Variants in THSD7B observed in about 807,000 individuals in gnomAD.
THSD7B encodes thrombospondin type 1 domain containing 7B.
THSD7B carries 138 observed loss-of-function variants against 213.6 expected under a neutral mutation model. The observed-to-expected ratio is 0.65, with a 90% CI of 0.56 to 0.74. The LOEUF (loss-of-function observed/expected upper bound fraction) is 0.74, where lower values mean the gene tolerates loss of function less well. THSD7B is among the 30% of genes least tolerant of loss of function. The pLI is 0.00. For missense variants in THSD7B, 1,931 were observed against 1,991.5 expected, an observed-to-expected ratio of 0.97 and a Z score of 0.58; for synonymous variants, 742 against 687.0, an observed-to-expected ratio of 1.08 and a Z score of -1.25.
intron 13 of THSD7B, among the ~76,000 whole-genome samples, chr2:137,407,704 C>A (rs1219078762): frequency 6.6e-6 from 1 of 152,036 alleles, no homozygotes; most frequent in African/African-American, 2.4e-5. Context: ...AACATATAAA[C>A]ATAAATACAA....
In THSD7B at chr2:137,642,602, T is replaced by C; in HGVS notation, c.3914T>C (p.Val1305Ala). The change falls in exon 21 of 28, where the codon GTC becomes GCC. Residue 1305 changes from valine (V) to alanine (A), a missense_variant. Coordinates refer to ENST00000409968, the MANE Select transcript of THSD7B (RefSeq NM_001316349.2). ...CCAGTGACCCCCTGCTACAGCTGGGTCCTTGGCAACTGGTCTGCATGTAAA... is the reference window on the plus strand; with the variant it reads ...CCAGTGACCCCCTGCTACAGCTGGGCCCTTGGCAACTGGTCTGCATGTAAA... ...TCPVTPCYSW[V>A]LGNWSACKLE... 1 of 1,613,890 alleles carries C rather than the reference T, an allele frequency of 6.2e-7. No homozygotes were observed. Among genetic ancestry groups the C allele is most frequent in the Non-Finnish European group, 8.5e-7 (1 of 1,179,854 alleles).
chr2:137,405,287 T>C (rs1686489642), intron 12 of THSD7B, among the ~76,000 whole-genome samples: 2 of 152,102 alleles, frequency 1.3e-5, no homozygotes, highest in Non-Finnish European at 2.9e-5. Flanking sequence ...CTTACTCTTA[T>C]AGTTTCCCTT....
At chr2:137,217,769 A>G (rs1681282503) in intron 7 of THSD7B, among the ~76,000 whole-genome samples, 1 of 152,176 alleles carries the variant, frequency 6.6e-6, no homozygotes, top group Admixed American at 6.5e-5. Context: ...TTGACTACTT[A>G]CTATGAGCCA....
chr2:137,231,332 C>A, intron 8 of THSD7B, 97 bp downstream of exon 8: 1 of 1,141,288 alleles, frequency 8.8e-7, no homozygotes, highest in Non-Finnish European at 1.2e-6. Context: ...AGGAAATAGT[C>A]ACACATAGAC....
At chr2:136,789,132 T>C (rs1468153346) in intron 1 of THSD7B, among the ~76,000 whole-genome samples, 2 of 152,140 alleles carry the variant, frequency 1.3e-5, no homozygotes, top group Non-Finnish European at 2.9e-5. Context: ...AAAGGGATAT[T>C]ATTGCAAGGA....
intron 15 of THSD7B, among the ~76,000 whole-genome samples, chr2:137,504,023 C>T (rs907341886): frequency 7.3e-6 from 1 of 137,166 alleles, no homozygotes; most frequent in Middle Eastern, 3.9e-3. Flanking sequence ...GAGACTCCAT[C>T]TCAAAAAAAA....
chr2:137,453,326 C>CTGTT (rs560125337), intron 15 of THSD7B, among the ~76,000 whole-genome samples: 64 of 96,844 alleles, frequency 6.6e-4, no homozygotes, highest in African/African-American at 2.7e-3. Context: ...TTGAAATTTA[C>CTGTT]TTTTTTTTTT....
In THSD7B at chr2:136,841,286, A is replaced by T. The variant is rs114447898; in HGVS notation, c.-35-40858A>T. ...TTTAATATATTCAGTTTTAAAGGTA[A>T]TGCACATTTGTTATGGAAATGAAAA... On this transcript the variant is annotated intron_variant, in intron 1 of 27. Transcript: ENST00000409968. 6.9e-3 allele frequency among the ~76,000 whole-genome samples: 1,058 copies of T among 152,232 alleles called. 20 individuals are homozygous for T. The highest frequency in any genetic ancestry group is 0.024 in the African/African-American group (998 of 41,538).
chr2:137,111,637 G>A (rs1257062963), intron 4 of THSD7B, among the ~76,000 whole-genome samples: 2 of 152,168 alleles, frequency 1.3e-5, no homozygotes, highest in East Asian at 3.9e-4. Flanking sequence ...TATACAGTAA[G>A]CAGGCAGAAA....
chr2:137,526,145 C>T (rs148673144), intron 15 of THSD7B, among the ~76,000 whole-genome samples: 29 of 152,166 alleles, frequency 1.9e-4, no homozygotes, highest in East Asian at 7.8e-4. Flanking sequence ...AGCCATGTCC[C>T]GTACCACTTC....
intron 7 of THSD7B, among the ~76,000 whole-genome samples, chr2:137,192,642 T>A (rs1003289532): frequency 2.0e-4 from 30 of 152,148 alleles, no homozygotes; most frequent in African/African-American, 1.7e-4. Context: ...AGGGCTTTTT[T>A]AAAAAAATAA....
intron 15 of THSD7B, among the ~76,000 whole-genome samples, chr2:137,560,306 C>G (rs1573709115): frequency 6.6e-6 from 1 of 152,134 alleles, no homozygotes; most frequent in East Asian, 1.9e-4. Flanking sequence ...GACTTGGAAC[C>G]AACCCAAATG....
chr2:136,963,153 C>T lies in THSD7B; in HGVS notation c.139+80836C>T, dbSNP rs987261418. 2.0e-5 allele frequency among the ~76,000 whole-genome samples: 3 copies of T among 152,116 alleles called. 1 individual carries two copies. The highest frequency in any genetic ancestry group is 2.0e-4 in the Admixed American group (3 of 15,276). On this transcript the variant is annotated intron_variant, in intron 2 of 27. Transcript: ENST00000409968. ...GTATAGTCACCATCTCTTTCCTGGC[C>T]CAACTCTCTGAAAAATTTGGGTTGG...
intron 2 of THSD7B, among the ~76,000 whole-genome samples, chr2:136,925,101 C>T (rs767351009): frequency 3.3e-5 from 5 of 152,196 alleles, no homozygotes; most frequent in Middle Eastern, 3.4e-3. Flanking sequence ...TTTCCACACA[C>T]ACAATGAGGT....
intron 15 of THSD7B, among the ~76,000 whole-genome samples, chr2:137,462,972 C>T (rs897647115): frequency 6.6e-6 from 1 of 152,038 alleles, no homozygotes; most frequent in Non-Finnish European, 1.5e-5. Context: ...AGAAGGAAAA[C>T]AAGTCCATGC....
intron 12 of THSD7B, among the ~76,000 whole-genome samples, chr2:137,362,766 T>G (rs974169379): frequency 9.9e-5 from 15 of 152,058 alleles, no homozygotes; most frequent in Middle Eastern, 3.2e-3. Context: ...AAGAGACTTA[T>G]ACTCCCACAC....
chr2:137,151,004 G>T (rs2104974629), intron 5 of THSD7B, among the ~76,000 whole-genome samples: 1 of 152,278 alleles, frequency 6.6e-6, no homozygotes, highest in East Asian at 1.9e-4. Flanking sequence ...AGGAGTCAAA[G>T]TTGCTCTGGG....
intron 2 of THSD7B, among the ~76,000 whole-genome samples, chr2:136,968,621 A>T (rs1437161583): frequency 1.3e-5 from 2 of 152,122 alleles, no homozygotes. Context: ...TAATGTAGAG[A>T]TGCTTATCAA....
intron 1 of THSD7B, among the ~76,000 whole-genome samples, chr2:136,811,293 AG>A: frequency 6.6e-6 from 1 of 152,190 alleles, no homozygotes; most frequent in Non-Finnish European, 1.5e-5. Context: ...AGATGTAGGG[AG>A]TAGCATTTTT....
Sources: gnomAD v4.1 joint callset for allele counts (sites outside exome capture counted in the v4.1 genomes callset) on GRCh38, gnomAD v4.1.1 for gene constraint, MANE v1.5 for transcripts, NCBI Gene and HGNC (gene_info 2026-07-23, HGNC 2026-07-21) for gene names.